Variants in IRAK2 observed in about 807,000 individuals in gnomAD.
IRAK2 encodes the protein interleukin 1 receptor associated kinase 2.
A neutral mutation model predicts 72.0 loss-of-function variants in IRAK2; 57 were observed. That is an observed-to-expected ratio of 0.79 (90% CI 0.64 to 0.99). The LOEUF (loss-of-function observed/expected upper bound fraction) is 0.99, where lower values mean the gene tolerates loss of function less well. IRAK2 is among the 50% of genes least tolerant of loss of function. The probability of loss-of-function intolerance (pLI) is 0.00; values close to 1 mark genes in which losing one functional copy is unlikely to be tolerated. For synonymous variants in IRAK2, 293 were observed against 312.7 expected (o/e 0.94, Z 0.67); for missense variants, 790 against 794.4 (o/e 0.99, Z 0.07).
At position 10,238,907 on chromosome 3, in the gene IRAK2, G is replaced by T. The variant is rs137914933; in HGVS notation, c.1633G>T (p.Val545Leu). 4 of 1,614,042 alleles carry T rather than the reference G, an allele frequency of 2.5e-6. No individual in the cohort carries two copies. The highest frequency in any genetic ancestry group is 3.4e-6 in the Non-Finnish European group (4 of 1,180,028). ...SSLDASSSMSVAPWAGAATPL... is the reference protein window; with the variant it reads ...SSLDASSSMSLAPWAGAATPL... ...CCTTGATGCCTCCTCCTCCATGAGT[G>T]TGGCACCCTGGGCAGGGGCTGCCAC... Residue 545 changes from valine (V) to leucine (L), a missense_variant, in exon 12 of 13, where the codon GTG (valine) becomes TTG (leucine). Val to Leu is a conservative substitution (Grantham distance 32). Coordinates refer to ENST00000256458, the MANE Select transcript of IRAK2 (RefSeq NM_001570.4).
intron 7 of IRAK2, among the ~76,000 whole-genome samples, chr3:10,217,444 G>A (rs1279511672): frequency 6.6e-6 from 1 of 152,202 alleles, no homozygotes; most frequent in East Asian, 1.9e-4. Context: ...TGGTTCTGGA[G>A]GTGTTAGCCA....
In IRAK2 at chr3:10,238,891, C is replaced by CAAT; in HGVS notation, c.1617_1618insAAT (p.Ala539_Ser540insAsn). The CAAT allele has an allele frequency of 6.2e-7, 1 of 1,614,120 alleles. No individual in the cohort carries two copies. Reference sequence around the variant, plus strand: ...ACGTTGACAATTCCAGCCTTGATGCCTCCTCCTCCATGAGTGTGGCACCCT... The same window carrying CAAT: ...ACGTTGACAATTCCAGCCTTGATGCCAATTCCTCCTCCATGAGTGTGGCACCCT... On this transcript the variant is annotated inframe_insertion, in exon 12 of 13. Coordinates refer to ENST00000256458, the MANE Select transcript of IRAK2 (RefSeq NM_001570.4).
Position 10,198,421 on chromosome 3 carries a change from T to C in IRAK2, c.278-1948T>C, listed in dbSNP as rs548362632. On this transcript the variant is annotated intron_variant, in intron 2 of 12. Transcript: ENST00000256458. ...TTGGGGCGTCTGCCCCTGGGGGAAT[T>C]GGGGCTGGTGGTGGCAGTGATGGCA... 1.8e-4 allele frequency among the ~76,000 whole-genome samples: 28 copies of C among 152,246 alleles called. No homozygotes were observed. In the South Asian group the frequency reaches 4.6e-3, roughly 25 times the overall value.
Position 10,178,195 on chromosome 3 carries a change from C to T in IRAK2, c.277+175C>T, listed in dbSNP as rs113242670. On this transcript the variant is annotated intron_variant, in intron 2 of 12. Transcript: ENST00000256458. Reference sequence around the variant, plus strand: ...GTAACAGGCCAGGTGCGGTGGCTCACGCCTGTAATCCCAGCACTTCCGGAG... The same window carrying T: ...GTAACAGGCCAGGTGCGGTGGCTCATGCCTGTAATCCCAGCACTTCCGGAG... 7.5e-3 allele frequency among the ~76,000 whole-genome samples: 1,135 copies of T among 152,276 alleles called. 17 individuals carry two copies. The highest frequency in any genetic ancestry group is 0.025 in the African/African-American group (1,042 of 41,558).
At chr3:10,189,123 C>G (rs6762885) in intron 2 of IRAK2, among the ~76,000 whole-genome samples, 9,237 of 152,242 alleles carry the variant, frequency 0.061, 923 homozygotes, top group African/African-American at 0.21. Flanking sequence ...TATGAGTGCT[C>G]AAAGGATAAA....
In IRAK2 at chr3:10,209,843, G is replaced by A. The variant is rs55944834; in HGVS notation, c.528+151G>A. The A allele has an allele frequency of 4.4e-4, 198 of 445,942 alleles. 2 individuals carry two copies. In the East Asian group the frequency reaches 6.5e-3, roughly 15 times the overall value. 27.6% of individuals were successfully genotyped at this position (445,942 alleles called of 1,614,324 possible). ...CAAATTACCCCAAGCTTCTAAGACT[G>A]TAAGTAGAGGAGGTCAATAATAGCG... On this transcript the variant is annotated intron_variant, in intron 4 of 12. Coordinates refer to ENST00000256458, the MANE Select transcript of IRAK2 (RefSeq NM_001570.4).
Position 10,238,920 on chromosome 3 carries a change from C to T in IRAK2, c.1646C>T (p.Ala549Val), listed in dbSNP as rs760053715. Residue 549 changes from alanine (A) to valine (V), a missense_variant, in exon 12 of 13, where the codon GCA becomes GTA. Coordinates refer to ENST00000256458, the MANE Select transcript of IRAK2 (RefSeq NM_001570.4). ...TCCTCCATGAGTGTGGCACCCTGGG[C>T]AGGGGCTGCCACCCCACTTCTCCCC... ...ASSSMSVAPW[A>V]GAATPLLPTE... 4 of 1,614,104 alleles carry T rather than the reference C, an allele frequency of 2.5e-6. No individual in the cohort carries two copies. The highest frequency in any genetic ancestry group is 3.4e-6 in the Non-Finnish European group (4 of 1,180,000).
intron 12 of IRAK2, among the ~76,000 whole-genome samples, 192 bp downstream of exon 12, chr3:10,239,231 C>T (rs1009128308): frequency 1.3e-5 from 2 of 152,180 alleles, no homozygotes; most frequent in African/African-American, 2.4e-5. Flanking sequence ...GGACTGTGTC[C>T]GGTTAATCAC....
At position 10,242,261 on chromosome 3, in the gene IRAK2, A is replaced by G. The variant is rs1698072874; in HGVS notation, c.*33A>G. 1 of 1,275,240 alleles carries G rather than the reference A, an allele frequency of 7.8e-7. No individual in the cohort carries two copies. The highest frequency in any genetic ancestry group is 1.1e-6 in the Non-Finnish European group (1 of 893,476). 79.0% of individuals were successfully genotyped at this position (1,275,240 alleles called of 1,614,324 possible). On this transcript the variant is annotated 3_prime_UTR_variant, in exon 13 of 13. Coordinates refer to ENST00000256458, the MANE Select transcript of IRAK2 (RefSeq NM_001570.4). ...AACACAGCTGAGGACCCTTGTCCTC[A>G]GTTGGAAAGATGAGCATCAGATCAA... is the stretch of plus-strand genomic sequence containing the variant.
chr3:10,217,003 C>T lies in IRAK2; in HGVS notation c.858C>T (p.Tyr286=), dbSNP rs1559449701. Residue 286 remains tyrosine (Y), a synonymous_variant, in exon 7 of 13, where the codon TAC becomes TAT. Coordinates refer to ENST00000256458, the MANE Select transcript of IRAK2 (RefSeq NM_001570.4). ...CAAGACAGTTTCACAGCTTCATCTA[C>T]CCCTACATGGCAAATGGTTCCCTAC... ...CAARQFHSFI[Y]PYMANGSLQD... 2.5e-6 allele frequency: 4 copies of T among 1,613,998 alleles called. No individual in the cohort carries two copies. Among genetic ancestry groups the T allele is most frequent in the Non-Finnish European group, 3.4e-6 (4 of 1,179,964 alleles).
chr3:10,234,340 T>TA (rs1700031947), intron 10 of IRAK2, 119 bp from the exon 11 acceptor site: 1 of 738,988 alleles, frequency 1.4e-6, no homozygotes, highest in Non-Finnish European at 2.4e-6. Flanking sequence ...CATTTATTCT[T>TA]ACGATGTCCG....
At chr3:10,192,834 G>A (rs1274243321) in intron 2 of IRAK2, among the ~76,000 whole-genome samples, 2 of 152,176 alleles carry the variant, frequency 1.3e-5, no homozygotes, top group African/African-American at 2.4e-5. Context: ...TAGGACAATC[G>A]CTTGAACCCA....
chr3:10,181,300 C>T (rs1408844531), intron 2 of IRAK2, among the ~76,000 whole-genome samples: 2 of 151,596 alleles, frequency 1.3e-5, no homozygotes. Flanking sequence ...TATGGAGTGA[C>T]TTTGTGTTAA....
Position 10,181,586 on chromosome 3 carries a change from G to A in IRAK2, c.277+3566G>A, listed in dbSNP as rs1052506058. 3.8e-4 allele frequency among the ~76,000 whole-genome samples: 58 copies of A among 152,214 alleles called. 1 individual carries two copies. Among genetic ancestry groups the A allele is most frequent in the East Asian group, 7.7e-4 (4 of 5,174 alleles). ...TGCACTCCAGCCTGGGTGACAGAGCGAGACTCCATTTCAAAAATAAATAAC... is the reference window on the plus strand; with the variant it reads ...TGCACTCCAGCCTGGGTGACAGAGCAAGACTCCATTTCAAAAATAAATAAC... On this transcript the variant is annotated intron_variant, in intron 2 of 12. Transcript: ENST00000256458.
intron 4 of IRAK2, among the ~76,000 whole-genome samples, chr3:10,211,168 G>A (rs1266850127): frequency 2.0e-5 from 3 of 151,082 alleles, no homozygotes; most frequent in Non-Finnish European, 4.4e-5. Flanking sequence ...TGGCCAAAAA[G>A]TTTTTTTGAG....
At chr3:10,206,325 C>T (rs1697432819) in intron 3 of IRAK2, among the ~76,000 whole-genome samples, 1 of 152,136 alleles carries the variant, frequency 6.6e-6, no homozygotes, top group Non-Finnish European at 1.5e-5. Context: ...TGGAGCCAGC[C>T]ACAGCCAGGC....
intron 10 of IRAK2, 50 bp from the exon 11 acceptor site, chr3:10,234,409 C>G: frequency 1.3e-6 from 2 of 1,540,764 alleles, no homozygotes; most frequent in South Asian, 2.2e-5. Flanking sequence ...TGCGTTGGCT[C>G]TCGCAGCTCT....
At chr3:10,201,639 C>T (rs1438783625) in intron 3 of IRAK2, among the ~76,000 whole-genome samples, 2 of 152,242 alleles carry the variant, frequency 1.3e-5, no homozygotes, top group Non-Finnish European at 2.9e-5. Context: ...CAGGCAAGGG[C>T]TCAGGGACAG....
At chr3:10,235,778 C>A (rs1484204433) in intron 11 of IRAK2, among the ~76,000 whole-genome samples, 2 of 152,154 alleles carry the variant, frequency 1.3e-5, no homozygotes, top group African/African-American at 2.4e-5. Context: ...GGGCCACAGA[C>A]GAGAAGATGA....
Sources: allele counts gnomAD v4.1 joint callset (sites outside exome capture counted in the v4.1 genomes callset), GRCh38; gene constraint gnomAD v4.1.1; transcripts MANE v1.5; gene names NCBI Gene and HGNC (gene_info 2026-07-23, HGNC 2026-07-21).